CELF2: variants seen among roughly 807,000 people sequenced by gnomAD.
CELF2 encodes the protein CUG triplet repeat RNA-binding protein 2.
In CELF2, 8 loss-of-function variants were observed where a neutral mutation model predicts 62.6. The observed-to-expected ratio is 0.13, with a 90% CI of 0.07 to 0.23. The LOEUF (loss-of-function observed/expected upper bound fraction) is 0.23, where lower values mean the gene tolerates loss of function less well. Among genes scored for constraint, CELF2 ranks in the 10% least tolerant of loss-of-function variants. CELF2 has a pLI of 1.00. For synonymous variants in CELF2, 258 were observed against 250.0 expected, an observed-to-expected ratio of 1.03 and a Z score of -0.30; for missense variants, 333 against 671.0, an observed-to-expected ratio of 0.50 and a Z score of 5.56.
chr10:11,254,408 G>A (rs1330747480), intron 4 of CELF2, among the ~76,000 whole-genome samples: 2 of 152,246 alleles, frequency 1.3e-5, no homozygotes, highest in Non-Finnish European at 2.9e-5. Flanking sequence ...CGTGGATGAT[G>A]GAGGTTTCCA....
intron 1 of CELF2, among the ~76,000 whole-genome samples, chr10:10,819,718 C>T (rs1490542497): frequency 6.6e-6 from 1 of 152,166 alleles, no homozygotes; most frequent in Non-Finnish European, 1.5e-5. Flanking sequence ...AAGCAGCTCT[C>T]CAAGAGGGCT....
chr10:10,694,580 T>C, the CELF2 span, among the ~76,000 whole-genome samples: 1 of 152,024 alleles, frequency 6.6e-6, no homozygotes, highest in Non-Finnish European at 1.5e-5. Context: ...TGACTTTCTG[T>C]CTCGTTGATC....
chr10:11,080,019 C>G (rs1179077682), intron 1 of CELF2, among the ~76,000 whole-genome samples: 1 of 152,074 alleles, frequency 6.6e-6, no homozygotes, highest in Non-Finnish European at 1.5e-5. Flanking sequence ...GAATTGCTCT[C>G]CGGTTTATAA....
At chr10:10,648,925 C>T in the CELF2 span, among the ~76,000 whole-genome samples, 8 of 152,124 alleles carry the variant, frequency 5.3e-5, no homozygotes, top group South Asian at 2.1e-4. Context: ...ATGATGCTGT[C>T]GGCTATTACC....
intron 2 of CELF2, among the ~76,000 whole-genome samples, chr10:10,920,841 C>T (rs550316524): frequency 9.3e-4 from 139 of 150,242 alleles, no homozygotes; most frequent in Admixed American, 2.1e-3. Flanking sequence ...GAGGAAGAAA[C>T]TTAGGAAGGG....
the CELF2 span, among the ~76,000 whole-genome samples, chr10:10,748,071 G>C: frequency 6.6e-6 from 1 of 152,058 alleles, no homozygotes; most frequent in African/African-American, 2.4e-5. Context: ...GGCTGGGAAG[G>C]CTGGCTGTAT....
intron 3 of CELF2, among the ~76,000 whole-genome samples, chr10:11,233,037 G>A (rs2069431826): frequency 1.3e-5 from 2 of 152,224 alleles, no homozygotes; most frequent in South Asian, 4.1e-4. Context: ...ATTGTAATGT[G>A]GCTATTAAAC....
chr10:11,105,017 G>A (rs572279589), intron 1 of CELF2, among the ~76,000 whole-genome samples: 12 of 152,302 alleles, frequency 7.9e-5, no homozygotes, highest in African/African-American at 2.4e-4. Context: ...GTTCAGCTGC[G>A]ATGTAGTTTG....
intron 2 of CELF2, among the ~76,000 whole-genome samples, chr10:11,212,327 C>A (rs1311585771): frequency 2.0e-5 from 3 of 152,152 alleles, no homozygotes; most frequent in African/African-American, 7.2e-5. Flanking sequence ...CCGAGATGCT[C>A]CCTGTGAGGC....
intron 5 of CELF2, among the ~76,000 whole-genome samples, chr10:11,265,569 A>T (rs1190498558): frequency 1.3e-5 from 2 of 152,152 alleles, no homozygotes; most frequent in African/African-American, 4.8e-5. Flanking sequence ...CATTAATTTC[A>T]CAGTCTTTTT....
intron 2 of CELF2, among the ~76,000 whole-genome samples, chr10:11,170,108 G>A (rs2068383706): frequency 6.6e-6 from 1 of 152,196 alleles, no homozygotes; most frequent in African/African-American, 2.4e-5. Flanking sequence ...TGGCATGAAG[G>A]GAGAGGAAGC....
At chr10:10,866,602 CCT>C (rs1240883212) in intron 1 of CELF2, among the ~76,000 whole-genome samples, 1 of 113,538 alleles carries the variant, frequency 8.8e-6, no homozygotes, top group Non-Finnish European at 1.8e-5. Flanking sequence ...AAGACTCCAT[CCT>C]CTCAAAAAAA....
At chr10:10,908,515 C>T (rs897145047) in intron 1 of CELF2, among the ~76,000 whole-genome samples, 3 of 151,570 alleles carry the variant, frequency 2.0e-5, no homozygotes, top group Admixed American at 1.3e-4. Flanking sequence ...CCACCGCGCC[C>T]GACCTGAAGG....
chr10:10,611,524 A>G, the CELF2 span, among the ~76,000 whole-genome samples: 3 of 152,190 alleles, frequency 2.0e-5, no homozygotes, highest in Admixed American at 1.3e-4. Flanking sequence ...CAGTCGTAAT[A>G]TGCCATATTT....
intron 2 of CELF2, among the ~76,000 whole-genome samples, chr10:10,989,532 A>G (rs2053196557): frequency 6.6e-6 from 1 of 152,144 alleles, no homozygotes. Flanking sequence ...TCTTCACCTT[A>G]CACCATGAAC....
At chr10:10,970,373 AT>A (rs1239660613) in intron 2 of CELF2, among the ~76,000 whole-genome samples, 3 of 152,118 alleles carry the variant, frequency 2.0e-5, no homozygotes, top group Admixed American at 6.6e-5. Flanking sequence ...AGCCAGTGTG[AT>A]TTTTTTTAAT....
the CELF2 span, among the ~76,000 whole-genome samples, chr10:10,618,822 A>G: frequency 1.2e-4 from 18 of 152,008 alleles, no homozygotes; most frequent in African/African-American, 3.6e-4. Context: ...TTGCAGAGAG[A>G]GAGGGGGTTC....
the CELF2 span, among the ~76,000 whole-genome samples, chr10:10,517,728 C>T: frequency 6.6e-6 from 1 of 152,130 alleles, no homozygotes; most frequent in Non-Finnish European, 1.5e-5. Context: ...CAAGGTGTAG[C>T]CTCACTAGGT....
intron 2 of CELF2, among the ~76,000 whole-genome samples, chr10:11,190,247 A>G (rs2075981664): frequency 6.6e-6 from 1 of 152,224 alleles, no homozygotes; most frequent in African/African-American, 2.4e-5. Flanking sequence ...TAGGCAATCC[A>G]TACATGCCCA....
Sources: gnomAD v4.1 joint callset for allele counts (sites outside exome capture counted in the v4.1 genomes callset) on GRCh38, gnomAD v4.1.1 for gene constraint, MANE v1.5 for transcripts, NCBI Gene and HGNC (gene_info 2026-07-23, HGNC 2026-07-21) for gene names.